Variants in WWP2 observed in about 807,000 individuals in gnomAD.
The protein encoded by WWP2 is NEDD4-like E3 ubiquitin-protein ligase WWP2.
WWP2 carries 57 observed loss-of-function variants against 121.0 expected under a neutral mutation model. The observed-to-expected ratio is 0.47, with a 90% confidence interval of 0.38 to 0.59. WWP2 has a LOEUF of 0.59. WWP2 is among the 20% of genes least tolerant of loss of function. The pLI is 0.00. For missense variants in WWP2, 962 were observed against 1,158.9 expected, an observed-to-expected ratio of 0.83 and a Z score of 2.47; for synonymous variants, 449 against 441.3, an observed-to-expected ratio of 1.02 and a Z score of -0.22.
At position 69,798,780 on chromosome 16, in the gene WWP2, G is replaced by A. The variant is rs2056101271; in HGVS notation, c.169G>A (p.Gly57Arg). ...ACTCCCCAGTGAGACCAAGAAGACTGGGAAGCGCATTGGGAGCTCTGAGCT... is the reference window on the plus strand; with the variant it reads ...ACTCCCCAGTGAGACCAAGAAGACTAGGAAGCGCATTGGGAGCTCTGAGCT... ...DGLPSETKKT[G>R]KRIGSSELLW... The change falls in exon 3 of 24, where the codon GGG (glycine) becomes AGG (arginine). Residue 57 changes from glycine (G) to arginine (R), a missense_variant. Transcript: ENST00000359154. 13 of 1,614,080 alleles carry A rather than the reference G, an allele frequency of 8.1e-6. No homozygotes were observed. Among genetic ancestry groups the A allele is most frequent in the Non-Finnish European group, 1.1e-5 (13 of 1,180,012 alleles).
chr16:69,820,403 G>T (rs1024151423), intron 4 of WWP2, among the ~76,000 whole-genome samples: 1 of 151,974 alleles, frequency 6.6e-6, no homozygotes. Context: ...CACTGTGCTT[G>T]GCTAATTTTT....
intron 8 of WWP2, among the ~76,000 whole-genome samples, chr16:69,888,845 C>T (rs2057975163): frequency 6.6e-6 from 1 of 152,128 alleles, no homozygotes; most frequent in Non-Finnish European, 1.5e-5. Flanking sequence ...GCTGGGGCTA[C>T]AGGTGCACAC....
intron 11 of WWP2, among the ~76,000 whole-genome samples, chr16:69,928,817 C>A (rs1419719244): frequency 6.6e-6 from 1 of 152,164 alleles, no homozygotes; most frequent in Non-Finnish European, 1.5e-5. Context: ...CCCCAGATAT[C>A]ATTTATTTGC....
intron 8 of WWP2, among the ~76,000 whole-genome samples, chr16:69,901,940 G>A (rs1003240662): frequency 6.6e-5 from 10 of 152,302 alleles, no homozygotes; most frequent in African/African-American, 2.4e-4. Flanking sequence ...GACAGAACGA[G>A]ACTTCGTCTC....
rs1193662381 is a variant in WWP2 at position 69,762,405 on chromosome 16, G to C, written c.-16+14G>C. 17 of 149,520 alleles carry C rather than the reference G, an allele frequency of 1.1e-4. No homozygotes were observed. Among genetic ancestry groups the C allele is most frequent in the Non-Finnish European group, 1.8e-4 (12 of 66,954 alleles). The allele number at this position is 149,520 out of a possible 1,614,324, so 9.3% of individuals were successfully genotyped here. On this transcript the variant is annotated intron_variant, in intron 1 of 23. Coordinates refer to ENST00000359154, the MANE Select transcript of WWP2 (RefSeq NM_001270454.2). ...TGGCCACGGCAGGTAGCGAGCGCTG[G>C]CGCGGGGGGCGCGGTGGGCTGGCTG...
chr16:69,841,933 C>T, intron 5 of WWP2, 91 bp from the exon 6 acceptor site: 1 of 1,313,192 alleles, frequency 7.6e-7, no homozygotes, highest in South Asian at 1.3e-5. Flanking sequence ...CTCTAACACA[C>T]AGACGGAGTT....
chr16:69,770,522 T>C (rs1597637164), intron 1 of WWP2, among the ~76,000 whole-genome samples: 1 of 152,188 alleles, frequency 6.6e-6, no homozygotes, highest in Admixed American at 6.5e-5. Context: ...TTTGTATCCT[T>C]CATAATATCC....
At chr16:69,771,466 C>T (rs1471261537) in intron 1 of WWP2, among the ~76,000 whole-genome samples, 6 of 152,004 alleles carry the variant, frequency 3.9e-5, no homozygotes, top group South Asian at 4.1e-4. Flanking sequence ...AGGCTGGTCT[C>T]GAAATCCTGA....
In WWP2 at chr16:69,807,478, G is replaced by A. The variant is rs1043653260; in HGVS notation, c.340+8183G>A. ...ACAAAGATTTAAAAAAATTAGCTAG[G>A]TGTGGTGGTGTGTGCCTCTGGTCCC... is the stretch of plus-strand genomic sequence containing the variant. On this transcript the variant is annotated intron_variant, in intron 4 of 23. Transcript: ENST00000359154. Among the ~76,000 whole-genome samples the A allele has an allele frequency of 1.1e-4, 17 of 152,026 alleles. 2 individuals are homozygous for A. Among genetic ancestry groups the A allele is most frequent in the East Asian group, 3.9e-4 (2 of 5,184 alleles).
intron 9 of WWP2, among the ~76,000 whole-genome samples, chr16:69,914,956 G>T (rs1160246597): frequency 1.3e-5 from 2 of 152,200 alleles, no homozygotes; most frequent in African/African-American, 4.8e-5. Flanking sequence ...AGAATGAATG[G>T]GATGCAAGAC....
chr16:69,863,017 AC>A lies in WWP2; in HGVS notation c.576-8782del, dbSNP rs1004593529. ...GCTGGGATTACAGGTGTGAGCCGCC[AC>A]CCCCGGCCTAGCCATGAATTCTCGG... On this transcript the variant is annotated intron_variant, in intron 6 of 23. Transcript: ENST00000359154. Among the ~76,000 whole-genome samples, 143 of 151,548 alleles carry A rather than the reference AC, an allele frequency of 9.4e-4. 2 individuals are homozygous for A. Among genetic ancestry groups the A allele is most frequent in the Admixed American group, 9.3e-3 (142 of 15,214 alleles).
chr16:69,828,284 C>T (rs2056738260), intron 4 of WWP2, among the ~76,000 whole-genome samples: 1 of 152,100 alleles, frequency 6.6e-6, no homozygotes, highest in African/African-American at 2.4e-5. Flanking sequence ...TCCTGCCTTC[C>T]CAGGAACCCT....
intron 6 of WWP2, among the ~76,000 whole-genome samples, chr16:69,842,362 A>G (rs1269956605): frequency 6.6e-6 from 1 of 152,010 alleles, no homozygotes; most frequent in Non-Finnish European, 1.5e-5. Flanking sequence ...CAGGGGGTAC[A>G]TGTACAGGTT....
chr16:69,850,253 G>A (rs1342421115), intron 6 of WWP2, among the ~76,000 whole-genome samples: 3 of 152,024 alleles, frequency 2.0e-5, no homozygotes, highest in African/African-American at 7.3e-5. Flanking sequence ...CGGGCGTGGT[G>A]GTGTGCGCCT....
intron 8 of WWP2, among the ~76,000 whole-genome samples, chr16:69,889,455 G>C (rs1470004349): frequency 6.6e-6 from 1 of 152,220 alleles, no homozygotes; most frequent in African/African-American, 2.4e-5. Flanking sequence ...GAATCAGACA[G>C]CTCTGGGTTT....
intron 8 of WWP2, among the ~76,000 whole-genome samples, chr16:69,892,988 C>T (rs1042313244): frequency 6.6e-6 from 1 of 152,210 alleles, no homozygotes; most frequent in Non-Finnish European, 1.5e-5. Flanking sequence ...TTCAAGCCTT[C>T]GGTGGGATCC....
At chr16:69,842,161 C>T in intron 6 of WWP2, 41 bp downstream of exon 6, 1 of 1,583,064 alleles carries the variant, frequency 6.3e-7, no homozygotes, top group Non-Finnish European at 8.6e-7. Flanking sequence ...TAAGAAGTTG[C>T]TTAGAGCTAT....
chr16:69,842,197 G>A, intron 6 of WWP2, 77 bp downstream of exon 6: 1 of 1,397,620 alleles, frequency 7.2e-7, no homozygotes, highest in Non-Finnish European at 9.9e-7. Flanking sequence ...ACATGGCGGG[G>A]AACATTTTAT....
At chr16:69,886,442 T>C (rs2057926388) in intron 7 of WWP2, among the ~76,000 whole-genome samples, 1 of 150,824 alleles carries the variant, frequency 6.6e-6, no homozygotes, top group South Asian at 2.1e-4. Flanking sequence ...AGAATCAGCC[T>C]CACATGAAGA....
Sources: gnomAD v4.1 joint callset for allele counts (sites outside exome capture counted in the v4.1 genomes callset) on GRCh38, gnomAD v4.1.1 for gene constraint, MANE v1.5 for transcripts, NCBI Gene and HGNC (gene_info 2026-07-23, HGNC 2026-07-21) for gene names.